The following ANO3 variants were observed in gnomAD, a reference collection of about 807,000 sequenced individuals.
ANO3 encodes the protein anoctamin 3, also known as anoctamin-3.
ANO3 carries 99 observed loss-of-function variants against 144.8 expected under a neutral mutation model. The observed-to-expected ratio is 0.68, with a 90% CI of 0.58 to 0.81. The LOEUF is 0.81. Among genes scored for constraint, ANO3 ranks in the 30% least tolerant of loss-of-function variants. ANO3 has a pLI of 0.00. For missense variants in ANO3, 905 were observed against 1,202.2 expected (o/e 0.75, Z 3.66); for synonymous variants, 414 against 392.6 (o/e 1.05, Z -0.64).
chr11:26,479,946 A>C (rs983305382), intron 4 of ANO3, among the ~76,000 whole-genome samples: 2 of 152,196 alleles, frequency 1.3e-5, no homozygotes, highest in African/African-American at 4.8e-5. Context: ...GAGGGAGTTG[A>C]AAATGTCATC....
At chr11:26,508,287 A>C in intron 5 of ANO3, 25 bp downstream of exon 5, 1 of 1,558,566 alleles carries the variant, frequency 6.4e-7, no homozygotes, top group East Asian at 2.3e-5. Context: ...ATTATTAGTT[A>C]TGTGATAAAA....
At chr11:26,467,308 A>G (rs1157448270) in intron 4 of ANO3, among the ~76,000 whole-genome samples, 1 of 151,888 alleles carries the variant, frequency 6.6e-6, no homozygotes, top group East Asian at 1.9e-4. Context: ...ATCCAATTAT[A>G]CTCTTTAAAA....
At chr11:26,491,520 G>C (rs894870778) in intron 4 of ANO3, among the ~76,000 whole-genome samples, 4 of 152,146 alleles carry the variant, frequency 2.6e-5, no homozygotes, top group Non-Finnish European at 4.4e-5. Flanking sequence ...TCTGAGCAAG[G>C]GAAACATCTC....
At chr11:26,195,498 A>G (rs572923324) in intron 1 of ANO3, among the ~76,000 whole-genome samples, 4 of 152,214 alleles carry the variant, frequency 2.6e-5, no homozygotes, top group Non-Finnish European at 5.9e-5. Flanking sequence ...CCTTCTTTGA[A>G]TTATGAATAA....
At chr11:26,453,080 C>T (rs1348339738) in intron 3 of ANO3, among the ~76,000 whole-genome samples, 1 of 151,998 alleles carries the variant, frequency 6.6e-6, no homozygotes, top group East Asian at 1.9e-4. Context: ...CTGAAGGAAG[C>T]ACTAAACATG....
chr11:26,501,914 G>A, intron 4 of ANO3, among the ~76,000 whole-genome samples: 1 of 152,172 alleles, frequency 6.6e-6, no homozygotes, highest in Non-Finnish European at 1.5e-5. Context: ...GCTTTTTCAG[G>A]AGTTGGTGAG....
chr11:26,501,820 C>A (rs10834987), intron 4 of ANO3, among the ~76,000 whole-genome samples: 91,042 of 151,962 alleles, frequency 0.6, 27,949 homozygotes, highest in East Asian at 0.68. Context: ...AAAAACAGGA[C>A]CACAGAGCAA....
At chr11:26,624,272 A>G (rs557891446) in intron 17 of ANO3, among the ~76,000 whole-genome samples, 190 bp from the exon 18 acceptor site, 1 of 152,326 alleles carries the variant, frequency 6.6e-6, no homozygotes, top group African/African-American at 2.4e-5. Context: ...ACATTCACAT[A>G]TATTATATCA....
At chr11:26,285,107 T>A (rs540476403) in intron 1 of ANO3, among the ~76,000 whole-genome samples, 11 of 152,166 alleles carry the variant, frequency 7.2e-5, no homozygotes, top group African/African-American at 1.4e-4. Flanking sequence ...ATTTTTTTTT[T>A]TAATTATGGT....
At chr11:26,506,021 A>T (rs1248438611) in intron 4 of ANO3, among the ~76,000 whole-genome samples, 2 of 149,428 alleles carry the variant, frequency 1.3e-5, no homozygotes, top group Non-Finnish European at 3.0e-5. Context: ...AAAAAAAGAC[A>T]GCAAATTGAT....
At chr11:26,469,716 T>C (rs1449254433) in intron 4 of ANO3, among the ~76,000 whole-genome samples, 1 of 151,900 alleles carries the variant, frequency 6.6e-6, no homozygotes, top group Non-Finnish European at 1.5e-5. Flanking sequence ...AAGCTTAAGA[T>C]GTGGTGATCA....
At chr11:26,593,358 AAAGTTCCC>A (rs1851508776) in intron 14 of ANO3, among the ~76,000 whole-genome samples, 1 of 152,164 alleles carries the variant, frequency 6.6e-6, no homozygotes, top group African/African-American at 2.4e-5. Context: ...TGAAAAGAGT[AAAGTTCCC>A]CAGTCACAAC....
intron 11 of ANO3, among the ~76,000 whole-genome samples, chr11:26,542,571 G>A (rs1849673410): frequency 1.3e-5 from 2 of 151,700 alleles, no homozygotes; most frequent in Non-Finnish European, 2.9e-5. Context: ...AAGAAAGAAA[G>A]AAAGAAAAAA....
intron 14 of ANO3, chr11:26,566,906 A>T: frequency 1.7e-6 from 1 of 582,702 alleles, no homozygotes; most frequent in Non-Finnish European, 2.6e-6. Flanking sequence ...GAATGGGCTG[A>T]CTTAGGTAGC....
In ANO3 at chr11:26,534,495, T is replaced by C; in HGVS notation, c.909T>C (p.Ala303=). ...ATAAAGACACCTTCTTCAGCAATGCTACTCGAAGCAGAATAGTCTATCACA... is the reference window on the plus strand; with the variant it reads ...ATAAAGACACCTTCTTCAGCAATGCCACTCGAAGCAGAATAGTCTATCACA... ...INNKDTFFSN[A]TRSRIVYHML... is the part of the protein sequence containing the mutation. Residue 303 remains alanine (A), a synonymous_variant, in exon 9 of 27, where the codon GCT becomes GCC. Transcript: ENST00000256737. 1 of 1,613,248 alleles carries C rather than the reference T, an allele frequency of 6.2e-7. No individual in the cohort carries two copies. Among genetic ancestry groups the C allele is most frequent in the Middle Eastern group, 1.7e-4 (1 of 6,012 alleles).
intron 14 of ANO3, chr11:26,561,111 T>A: frequency 6.2e-7 from 1 of 1,612,738 alleles, no homozygotes; most frequent in Non-Finnish European, 8.5e-7. Context: ...AGGAATGCCA[T>A]CACGTGCATT....
At chr11:26,194,648 G>A (rs1453665602) in intron 1 of ANO3, among the ~76,000 whole-genome samples, 1 of 151,840 alleles carries the variant, frequency 6.6e-6, no homozygotes, top group Non-Finnish European at 1.5e-5. Flanking sequence ...TTATAGCCAT[G>A]GGCCACTACG....
chr11:26,440,502 A>T (rs1858473493), intron 1 of ANO3, among the ~76,000 whole-genome samples: 2 of 152,330 alleles, frequency 1.3e-5, no homozygotes, highest in African/African-American at 4.8e-5. Context: ...GTAATAAAGA[A>T]GACTAGAAGA....
intron 4 of ANO3, among the ~76,000 whole-genome samples, chr11:26,467,481 G>C (rs1859640248): frequency 6.6e-6 from 1 of 151,716 alleles, no homozygotes; most frequent in Non-Finnish European, 1.5e-5. Flanking sequence ...TTCTATCTCT[G>C]AGTTAATTGT....
Sources: allele counts gnomAD v4.1 joint callset (sites outside exome capture counted in the v4.1 genomes callset), GRCh38; gene constraint gnomAD v4.1.1; transcripts MANE v1.5; gene names NCBI Gene and HGNC (gene_info 2026-07-23, HGNC 2026-07-21).